ZMYND19: variants seen among roughly 807,000 people sequenced by gnomAD.
ZMYND19 encodes the protein zinc finger MYND domain-containing protein 19.
ZMYND19 carries 17 observed loss-of-function variants against 32.0 expected under a neutral mutation model. That is an observed-to-expected ratio of 0.53 (90% CI 0.36 to 0.80). The LOEUF (loss-of-function observed/expected upper bound fraction) is 0.80, where lower values mean the gene tolerates loss of function less well. Among genes scored for constraint, ZMYND19 ranks in the 30% least tolerant of loss-of-function variants. ZMYND19 has a pLI of 0.00. For missense variants in ZMYND19, 250 were observed against 293.6 expected (o/e 0.85, Z 1.09); for synonymous variants, 124 against 113.6 (o/e 1.09, Z -0.58).
rs756119396 is a variant in ZMYND19 at position 137,587,082 on chromosome 9, G to T, written c.244C>A (p.Pro82Thr). Residue 82 changes from proline (P) to threonine (T), a missense_variant, in exon 4 of 6, where the codon CCG becomes ACG. Around this residue, in one of 2 missense-constraint regions of ZMYND19, gnomAD observed 212 missense variants for 218.8 expected, o/e 0.97. Coordinates refer to ENST00000298585, the MANE Select transcript of ZMYND19 (RefSeq NM_138462.3). The part of the protein sequence containing the change: ...LWERHRGGVA[P>T]GFQVVHLNAV... ...TTGAGGTGCACCACCTGGAAGCCCG[G>T]GGCCACGCCCCCCCGGTGCCGCTCC... The T allele has an allele frequency of 2.5e-6, 4 of 1,608,206 alleles. No individual in the cohort carries two copies. In the African/African-American group the frequency reaches 5.3e-5, roughly 21 times the overall value.
intron 4 of ZMYND19, among the ~76,000 whole-genome samples, chr9:137,585,630 G>A (rs974710649): frequency 6.6e-6 from 1 of 152,146 alleles, no homozygotes; most frequent in South Asian, 2.1e-4. Flanking sequence ...GGATGGGGGG[G>A]GATTTGTAGG....
chr9:137,584,002 G>A (rs910997315), intron 4 of ZMYND19, among the ~76,000 whole-genome samples: 10 of 152,040 alleles, frequency 6.6e-5, no homozygotes, highest in African/African-American at 1.4e-4. Flanking sequence ...GGATCCAGAC[G>A]GACGCACAGC....
chr9:137,587,127 C>G lies in ZMYND19; in HGVS notation c.219-20G>C. 1 of 1,600,324 alleles carries G rather than the reference C, an allele frequency of 6.2e-7. No homozygotes were observed. ...CGCTCCCTAGAAACAGACAGCAAAC[C>G]CTGCATCTAACCCTGCATCGCTGCC... On this transcript the variant is annotated intron_variant, in intron 3 of 5. Transcript: ENST00000298585.
At chr9:137,583,185 T>C (rs376100604) in intron 4 of ZMYND19, 22 bp from the exon 5 acceptor site, 454 of 1,611,136 alleles carry the variant, frequency 2.8e-4, no homozygotes, top group Non-Finnish European at 3.6e-4. Context: ...AAGCAGACAC[T>C]TGAGTGCACT....
intron 1 of ZMYND19, chr9:137,589,258 G>T: frequency 1.2e-6 from 1 of 864,348 alleles, no homozygotes; most frequent in Non-Finnish European, 1.4e-6. Flanking sequence ...TGACTGGAGA[G>T]CCCACCCTTC....
intron 4 of ZMYND19, among the ~76,000 whole-genome samples, chr9:137,584,291 T>C (rs1842179720): frequency 6.6e-6 from 1 of 152,210 alleles, no homozygotes; most frequent in Non-Finnish European, 1.5e-5. Context: ...GGGGGTTGTG[T>C]AAGGCAGCAG....
In ZMYND19 at chr9:137,582,492, G is replaced by C. The variant is rs769643183; in HGVS notation, c.*51C>G. 2.0e-5 allele frequency: 31 copies of C among 1,581,940 alleles called. 1 individual carries two copies. In the Admixed American group the frequency reaches 5.4e-4, roughly 27 times the overall value. On this transcript the variant is annotated 3_prime_UTR_variant, in exon 6 of 6. Transcript: ENST00000298585. ...GTTCAACCACCAGTCTGTCTCTGCTGTGCCCAGGGTAGAGCCCGGGGGCTG... is the reference window on the plus strand; with the variant it reads ...GTTCAACCACCAGTCTGTCTCTGCTCTGCCCAGGGTAGAGCCCGGGGGCTG...
Position 137,583,190 on chromosome 9 carries a change from T to C in ZMYND19, c.360-27A>G, listed in dbSNP as rs551808407. 17 of 1,610,314 alleles carry C rather than the reference T, an allele frequency of 1.1e-5. No homozygotes were observed. In the South Asian group the frequency reaches 1.2e-4, roughly 11 times the overall value. ...TTAAAGAAAGAAGCAGACACTTGAG[T>C]GCACTCTGGCCAAACGGGGCCAGCA... On this transcript the variant is annotated intron_variant, in intron 4 of 5. Transcript: ENST00000298585.
chr9:137,588,463 C>A (rs1435643422), intron 2 of ZMYND19, among the ~76,000 whole-genome samples, 196 bp downstream of exon 2: 1 of 152,176 alleles, frequency 6.6e-6, no homozygotes, highest in African/African-American at 2.4e-5. Context: ...ACAGTGGGCT[C>A]CAGTGGCAGC....
chr9:137,584,034 AG>A (rs1842177164), intron 4 of ZMYND19, among the ~76,000 whole-genome samples: 1 of 152,202 alleles, frequency 6.6e-6, no homozygotes, highest in African/African-American at 2.4e-5. Flanking sequence ...CAACAAAGAC[AG>A]GGTGACCCCA....
chr9:137,583,151 C>T lies in ZMYND19; in HGVS notation c.372G>A (p.Leu124=). ...ETSSKQREQS[L]YWLAIQQLPT... is the part of the protein sequence containing the mutation. The stretch of plus-strand genomic sequence containing the variant: ...GCAGCTGCTGAATTGCAAGCCAATA[C>T]AAGCTTTGCTCCCTTAAAGAAAGAA... Residue 124 remains leucine, a synonymous_variant, in exon 5 of 6, where the codon TTG becomes TTA. Coordinates refer to ENST00000298585, the MANE Select transcript of ZMYND19 (RefSeq NM_138462.3). 1.2e-6 allele frequency: 2 copies of T among 1,614,024 alleles called. No individual in the cohort carries two copies. Among genetic ancestry groups the T allele is most frequent in the Non-Finnish European group, 8.5e-7 (1 of 1,179,954 alleles).
rs531155776 is a variant in ZMYND19, at chr9:137,588,054, C to T, written c.112-231G>A. On this transcript the variant is annotated intron_variant, in intron 2 of 5. Coordinates refer to ENST00000298585, the MANE Select transcript of ZMYND19 (RefSeq NM_138462.3). The stretch of plus-strand genomic sequence containing the variant: ...CAAGAAACACTCACAAACAACTCTG[C>T]AAAATACAATGGGACATAGACAAAT... 2.6e-5 allele frequency among the ~76,000 whole-genome samples: 4 copies of T among 152,320 alleles called. No individual in the cohort carries two copies. The South Asian group carries it at 6.2e-4, about 24-fold the overall frequency.
chr9:137,586,868 A>C, intron 4 of ZMYND19, 99 bp downstream of exon 4: 1 of 1,507,002 alleles, frequency 6.6e-7, no homozygotes, highest in Non-Finnish European at 9.0e-7. Flanking sequence ...ATCAGGGCTC[A>C]GAGGAGGAAC....
chr9:137,582,737 G>A, intron 5 of ZMYND19, 51 bp from the exon 6 acceptor site: 1 of 1,596,558 alleles, frequency 6.3e-7, no homozygotes, highest in Non-Finnish European at 8.5e-7. Flanking sequence ...GACGCAGTGT[G>A]GGGCAAAGGC....
chr9:137,589,936 G>A (rs1842252051), intron 1 of ZMYND19: 5 of 985,226 alleles, frequency 5.1e-6, no homozygotes, highest in African/African-American at 3.5e-5. Flanking sequence ...CTCCGCACCC[G>A]GCTCGGGACA....
Position 137,588,720 on chromosome 9 carries a change from TG to T in ZMYND19, c.52-3del. On this transcript the variant is annotated splice_region_variant and splice_polypyrimidine_tract_variant and intron_variant, in intron 1 of 5. Transcript: ENST00000298585. ...CTCATCGATCAGCGTGTATTTGGTC[TG>T]GAAGTTAACCACATGTTTCAAATCA... is the stretch of plus-strand genomic sequence containing the variant. 6.2e-7 allele frequency: 1 copy of T among 1,614,188 alleles called. No individual in the cohort carries two copies. The highest frequency in any genetic ancestry group is 8.5e-7 in the Non-Finnish European group (1 of 1,180,006).
intron 1 of ZMYND19, chr9:137,589,413 C>A: frequency 1.0e-6 from 1 of 985,466 alleles, no homozygotes; most frequent in African/African-American, 1.7e-5. Flanking sequence ...CCTGACGCCG[C>A]CTGACACTGC....
At chr9:137,588,576 C>CA (rs1211222084) in intron 2 of ZMYND19, 83 bp downstream of exon 2, 8 of 1,488,646 alleles carry the variant, frequency 5.4e-6, no homozygotes, top group Non-Finnish European at 7.5e-6. Context: ...GCTCTTGCAG[C>CA]ACAGGGGAGA....
At position 137,588,781 on chromosome 9, in the gene ZMYND19, T is replaced by C. The variant is rs148700444; in HGVS notation, c.52-63A>G. On this transcript the variant is annotated intron_variant, in intron 1 of 5. Transcript: ENST00000298585. ...GGATCTGCGTGAGGTGCAGTAACCT[T>C]ATAACCAGAACAGGCAGGAGCCTGT... The C allele has an allele frequency of 3.1e-4, 487 of 1,591,548 alleles. 1 individual carries two copies. The African/African-American group carries it at 5.3e-3, about 17-fold the overall frequency.
Sources: gnomAD v4.1 joint callset for allele counts (sites outside exome capture counted in the v4.1 genomes callset) on GRCh38, gnomAD v4.1.1 for gene constraint, gnomAD v4.1.1 regional missense constraint, MANE v1.5 for transcripts, NCBI Gene and HGNC (gene_info 2026-07-23, HGNC 2026-07-21) for gene names.